The following ACSBG2 variants were observed in gnomAD, a reference collection of about 807,000 sequenced individuals.
ACSBG2 encodes the protein long-chain-fatty-acid--CoA ligase ACSBG2.
ACSBG2 carries 62 observed loss-of-function variants against 74.7 expected under a neutral mutation model. The ratio of observed to expected loss-of-function variants is 0.83; its 90% CI spans 0.68 to 1.03. The LOEUF (loss-of-function observed/expected upper bound fraction) is 1.03, where lower values mean the gene tolerates loss of function less well. ACSBG2 is among the 50% of genes least tolerant of loss of function. The pLI is 0.00. For missense variants in ACSBG2, 730 were observed against 817.6 expected (o/e 0.89, Z 1.31); for synonymous variants, 309 against 294.1 (o/e 1.05, Z -0.52).
At chr19:6,179,709 C>G (rs978445298) in intron 8 of ACSBG2, among the ~76,000 whole-genome samples, 1 of 152,242 alleles carries the variant, frequency 6.6e-6, no homozygotes, top group Non-Finnish European at 1.5e-5. Context: ...CCTCCACCTC[C>G]GGGTTAAACG....
chr19:6,160,801 G>A (rs985949162), intron 5 of ACSBG2: 5 of 163,066 alleles, frequency 3.1e-5, no homozygotes, highest in Non-Finnish European at 6.7e-5. Context: ...GTGGGCAGGG[G>A]AAGAAAAGAG....
intron 8 of ACSBG2, among the ~76,000 whole-genome samples, chr19:6,182,473 G>A (rs2090287045): frequency 6.6e-6 from 1 of 152,220 alleles, no homozygotes; most frequent in Non-Finnish European, 1.5e-5. Flanking sequence ...ACCCACAGAA[G>A]TGAAGTTGAC....
At chr19:6,165,791 G>C in intron 6 of ACSBG2, 75 bp from the exon 7 acceptor site, 1 of 1,560,486 alleles carries the variant, frequency 6.4e-7, no homozygotes, top group Non-Finnish European at 8.7e-7. Context: ...AGGAAAAGCT[G>C]ATAGGACGAG....
chr19:6,139,204 C>T (rs888523762), intron 1 of ACSBG2, among the ~76,000 whole-genome samples: 3 of 151,718 alleles, frequency 2.0e-5, no homozygotes, highest in Non-Finnish European at 4.4e-5. Context: ...TCTCCTGACT[C>T]GACCTCCCAA....
rs572871620 is a variant in ACSBG2, at chr19:6,184,403, T to A, written c.1323-1033T>A. ...GATTTTTCTATATACCTAAAAAGGC[T>A]TCAGTGGGGGAAATCATAAGGCAGC... is the stretch of plus-strand genomic sequence containing the variant. On this transcript the variant is annotated intron_variant, in intron 10 of 14. Transcript: ENST00000588485. Among the ~76,000 whole-genome samples the A allele has an allele frequency of 3.1e-3, 466 of 152,170 alleles. 6 individuals carry two copies. Among genetic ancestry groups the A allele is most frequent in the Non-Finnish European group, 4.4e-4 (30 of 67,990 alleles).
chr19:6,192,203 C>A (rs1012367185), intron 14 of ACSBG2: 2 of 151,468 alleles, frequency 1.3e-5, no homozygotes, highest in African/African-American at 4.9e-5. Flanking sequence ...AGTAATTTTA[C>A]CAGTTTTAAA....
At chr19:6,175,486 CCTT>C in intron 7 of ACSBG2, 1 of 152,076 alleles carries the variant, frequency 6.6e-6, no homozygotes, top group East Asian at 1.9e-4. Context: ...GTGAGATGGC[CCTT>C]CTAAGGAAGT....
intron 6 of ACSBG2, among the ~76,000 whole-genome samples, chr19:6,165,181 AT>A (rs768856492): frequency 2.8e-4 from 42 of 152,102 alleles, no homozygotes; most frequent in Non-Finnish European, 5.7e-4. Flanking sequence ...CCCAGGCTCT[AT>A]TTTCCTTTCT....
At chr19:6,187,029 T>C (rs1200843527) in intron 11 of ACSBG2, among the ~76,000 whole-genome samples, 1 of 134,348 alleles carries the variant, frequency 7.4e-6, no homozygotes, top group Non-Finnish European at 1.6e-5. Context: ...TTTGAGATGG[T>C]GTTTCACTCT....
At chr19:6,147,420 C>T (rs1234680346) in intron 2 of ACSBG2, 26 bp from the exon 3 acceptor site, 1 of 1,590,208 alleles carries the variant, frequency 6.3e-7, no homozygotes, top group East Asian at 2.2e-5. Flanking sequence ...AAACATTTGC[C>T]ACCCAACTCT....
intron 7 of ACSBG2, among the ~76,000 whole-genome samples, chr19:6,175,039 G>A (rs1333469389): frequency 2.0e-5 from 3 of 152,176 alleles, no homozygotes; most frequent in Admixed American, 2.0e-4. Flanking sequence ...CAGAGCAAGG[G>A]AAGCTCTGAA....
chr19:6,192,606 G>A (rs1245673671), intron 14 of ACSBG2, 62 bp from the exon 15 acceptor site: 1 of 152,190 alleles, frequency 6.6e-6, no homozygotes, highest in Admixed American at 6.5e-5. Context: ...TGGGATCTTG[G>A]AGACTGAATG....
chr19:6,190,479 C>A, intron 13 of ACSBG2, 105 bp from the exon 14 acceptor site: 1 of 951,952 alleles, frequency 1.1e-6, no homozygotes, highest in South Asian at 1.4e-5. Context: ...CACAGCCAGC[C>A]ACCCAGCCTA....
rs397859531 is a variant in ACSBG2 at position 6,192,071 on chromosome 19, C to CAAAAAAAAAAAAAAAAAAAAA, written c.*36-592_*36-572dup. The CAAAAAAAAAAAAAAAAAAAAA allele has an allele frequency of 7.1e-4, 41 of 57,474 alleles. 1 individual carries two copies. Among genetic ancestry groups the CAAAAAAAAAAAAAAAAAAAAA allele is most frequent in the African/African-American group, 2.2e-3 (26 of 11,684 alleles). 3.6% of individuals were successfully genotyped at this position (57,474 alleles called of 1,614,324 possible). On this transcript the variant is annotated intron_variant, in intron 14 of 14. Coordinates refer to ENST00000588485, the MANE Select transcript of ACSBG2 (RefSeq NM_030924.5). The stretch of plus-strand genomic sequence containing the variant: ...ACACTGGGCTTCAAAAGCACAGCAC[C>CAAAAAAAAAAAAAAAAAAAAA]AAAAAAAAAAAAAAAAAAAAAAAAA...
intron 3 of ACSBG2, 40 bp from the exon 4 acceptor site, chr19:6,151,667 T>G: frequency 9.2e-6 from 14 of 1,517,900 alleles, no homozygotes; most frequent in African/African-American, 1.4e-5. Flanking sequence ...AACATCTCTG[T>G]GTTTATGTTT....
chr19:6,186,367 CA>C (rs1027366292), intron 11 of ACSBG2, among the ~76,000 whole-genome samples: 8 of 151,774 alleles, frequency 5.3e-5, no homozygotes, highest in Non-Finnish European at 1.2e-4. Context: ...TTTTATGTGT[CA>C]AAAAAAATTC....
At chr19:6,169,458 T>C (rs2089904384) in intron 7 of ACSBG2, among the ~76,000 whole-genome samples, 1 of 152,350 alleles carries the variant, frequency 6.6e-6, no homozygotes, top group South Asian at 2.1e-4. Flanking sequence ...TGCCTATTTT[T>C]GTACCAGTAC....
At position 6,177,247 on chromosome 19, in the gene ACSBG2, G is replaced by A; in HGVS notation, c.757G>A (p.Ala253Thr). Reference sequence around the variant, plus strand: ...GTTACAGATCACGTGGATTGCAGGAGCAGTGACAAAGGACTTTAAACTGAC... The same window carrying A: ...GTTACAGATCACGTGGATTGCAGGAACAGTGACAAAGGACTTTAAACTGAC... ...SHDNITWIAG[A>T]VTKDFKLTDK... is the part of the protein sequence containing the mutation. The change falls in exon 8 of 15, where the codon GCA becomes ACA. Residue 253 changes from alanine to threonine, a missense_variant. By Grantham distance (58) the Ala-to-Thr change is moderately conservative. Coordinates refer to ENST00000588485, the MANE Select transcript of ACSBG2 (RefSeq NM_030924.5). The A allele has an allele frequency of 1.2e-6, 2 of 1,614,134 alleles. No homozygotes were observed. The highest frequency in any genetic ancestry group is 1.7e-6 in the Non-Finnish European group (2 of 1,180,024).
At chr19:6,163,811 G>A (rs1274029658) in intron 6 of ACSBG2, among the ~76,000 whole-genome samples, 5 of 145,942 alleles carry the variant, frequency 3.4e-5, no homozygotes, top group Admixed American at 2.8e-4. Flanking sequence ...ACAGCCAGGC[G>A]TGGTGGTGCA....
Sources: allele counts gnomAD v4.1 joint callset (sites outside exome capture counted in the v4.1 genomes callset), GRCh38; gene constraint gnomAD v4.1.1; transcripts MANE v1.5; gene names NCBI Gene and HGNC (gene_info 2026-07-23, HGNC 2026-07-21).